ATP8B4: variants seen among roughly 807,000 people sequenced by gnomAD.
ATP8B4 encodes probable phospholipid-transporting ATPase IM.
Under a neutral mutation model 145.6 loss-of-function variants are expected in ATP8B4, and 133 were observed. That is an observed-to-expected ratio of 0.91 (90% CI 0.79 to 1.05). The LOEUF (loss-of-function observed/expected upper bound fraction) is 1.05. ATP8B4 is among the 50% of genes least tolerant of loss of function. The pLI is 0.00. For synonymous variants in ATP8B4, 507 were observed against 492.9 expected, an observed-to-expected ratio of 1.03 and a Z score of -0.38; for missense variants, 1,458 against 1,425.2, an observed-to-expected ratio of 1.02 and a Z score of -0.37.
At chr15:50,068,588 T>C (rs2053535373) in intron 3 of ATP8B4, among the ~76,000 whole-genome samples, 2 of 152,128 alleles carry the variant, frequency 1.3e-5, no homozygotes, top group Non-Finnish European at 1.5e-5. Flanking sequence ...AGGAAAAAAA[T>C]CCTTTAAAAA....
intron 1 of ATP8B4, among the ~76,000 whole-genome samples, chr15:50,136,289 G>A (rs770683795): frequency 5.9e-5 from 9 of 152,172 alleles, no homozygotes; most frequent in Admixed American, 1.3e-4. Context: ...ACAGCCTTCT[G>A]TGAAGTTGCT....
chr15:49,901,141 T>G lies in ATP8B4; in HGVS notation c.2240A>C (p.Glu747Ala), dbSNP rs1599010451. The change falls in exon 21 of 28, where the codon GAA becomes GCA. Residue 747 changes from glutamate (E) to alanine (A), a missense_variant. By Grantham distance (107) the Glu-to-Ala change is moderately radical. Coordinates refer to ENST00000284509, the MANE Select transcript of ATP8B4 (RefSeq NM_024837.4). ...KQQLELDSIV[E>A]ETITGDYALI... Reference sequence around the variant, plus strand: ...GGCATAATCTCCTGTTATGGTTTCTTCTACAATAGAATCCAACTCCAGCTG... The same window carrying G: ...GGCATAATCTCCTGTTATGGTTTCTGCTACAATAGAATCCAACTCCAGCTG... 2 of 1,613,662 alleles carry G rather than the reference T, an allele frequency of 1.2e-6. No individual in the cohort carries two copies. Among genetic ancestry groups the G allele is most frequent in the East Asian group, 4.5e-5 (2 of 44,818 alleles).
At chr15:49,884,622 A>C (rs541336036) in intron 23 of ATP8B4, among the ~76,000 whole-genome samples, 1,833 of 151,466 alleles carry the variant, frequency 0.012, 45 homozygotes, top group African/African-American at 0.042. Flanking sequence ...AGAAAAAAAA[A>C]AAAAAAAAAG....
At chr15:49,884,000 TAAC>T (rs772166592) in intron 23 of ATP8B4, among the ~76,000 whole-genome samples, 1 of 152,230 alleles carries the variant, frequency 6.6e-6, no homozygotes, top group Non-Finnish European at 1.5e-5. Context: ...TCTATTATGT[TAAC>T]TAGTTTTACA....
intron 1 of ATP8B4, among the ~76,000 whole-genome samples, chr15:50,161,748 G>T (rs1250724126): frequency 1.3e-5 from 2 of 151,848 alleles, no homozygotes; most frequent in African/African-American, 4.8e-5. Flanking sequence ...TACTATCTTT[G>T]ATAGGTTCAT....
At chr15:50,051,241 T>C (rs2052164374) in intron 3 of ATP8B4, among the ~76,000 whole-genome samples, 1 of 152,218 alleles carries the variant, frequency 6.6e-6, no homozygotes, top group Non-Finnish European at 1.5e-5. Flanking sequence ...TGCCTCCATG[T>C]GAAGAAGGAC....
intron 20 of ATP8B4, among the ~76,000 whole-genome samples, chr15:49,907,118 C>A (rs570852348): frequency 1.3e-5 from 2 of 152,260 alleles, no homozygotes; most frequent in Admixed American, 6.5e-5. Context: ...AGAGCAGAGA[C>A]CAGACAGGAA....
intron 16 of ATP8B4, among the ~76,000 whole-genome samples, chr15:49,928,806 G>A (rs1051704150): frequency 6.6e-6 from 1 of 152,042 alleles, no homozygotes; most frequent in Non-Finnish European, 1.5e-5. Context: ...TACAAACAGG[G>A]TGACAATAGA....
chr15:49,860,722 C>T (rs1489437520), intron 27 of ATP8B4, among the ~76,000 whole-genome samples: 1 of 152,126 alleles, frequency 6.6e-6, no homozygotes, highest in Non-Finnish European at 1.5e-5. Flanking sequence ...TCATTATTGT[C>T]TCTCATGTAT....
At chr15:49,927,663 C>A (rs868761066) in intron 16 of ATP8B4, among the ~76,000 whole-genome samples, 8 of 152,134 alleles carry the variant, frequency 5.3e-5, no homozygotes, top group Middle Eastern at 3.4e-3. Context: ...GAGGAAAAGC[C>A]AAACATCTCC....
intron 23 of ATP8B4, among the ~76,000 whole-genome samples, chr15:49,882,432 T>G (rs74608739): frequency 6.6e-6 from 1 of 152,178 alleles, no homozygotes. Context: ...GGGATACATA[T>G]AAAAATACTC....
intron 21 of ATP8B4, among the ~76,000 whole-genome samples, chr15:49,900,195 C>T (rs1343045498): frequency 6.6e-6 from 1 of 152,184 alleles, no homozygotes; most frequent in African/African-American, 2.4e-5. Context: ...CTGTAACTTT[C>T]CATGGTGTAG....
chr15:50,103,770 C>T (rs2056511549), intron 2 of ATP8B4, among the ~76,000 whole-genome samples: 1 of 152,084 alleles, frequency 6.6e-6, no homozygotes, highest in Non-Finnish European at 1.5e-5. Context: ...GCCCACATAG[C>T]CAAAGCAAGA....
intron 16 of ATP8B4, among the ~76,000 whole-genome samples, chr15:49,924,319 T>C (rs1393040400): frequency 6.6e-6 from 1 of 152,156 alleles, no homozygotes; most frequent in East Asian, 1.9e-4. Flanking sequence ...TAATTATTTG[T>C]TGAATGAATG....
intron 23 of ATP8B4, among the ~76,000 whole-genome samples, chr15:49,891,735 C>G (rs2036826268): frequency 6.6e-6 from 1 of 152,250 alleles, no homozygotes; most frequent in Non-Finnish European, 1.5e-5. Flanking sequence ...GTTTTCTCTT[C>G]CCAAGATAGC....
intron 17 of ATP8B4, among the ~76,000 whole-genome samples, chr15:49,922,886 C>A (rs1409443837): frequency 6.6e-6 from 1 of 152,152 alleles, no homozygotes; most frequent in Non-Finnish European, 1.5e-5. Flanking sequence ...TGATTTATGA[C>A]CTGAATAAAA....
chr15:50,128,785 C>T (rs1031443804), intron 1 of ATP8B4, among the ~76,000 whole-genome samples: 2 of 152,148 alleles, frequency 1.3e-5, no homozygotes, highest in African/African-American at 2.4e-5. Context: ...GTAGGCTGGG[C>T]GCAGTGGCTC....
intron 2 of ATP8B4, among the ~76,000 whole-genome samples, chr15:50,100,534 G>A (rs2056287975): frequency 6.6e-6 from 1 of 152,188 alleles, no homozygotes; most frequent in South Asian, 2.1e-4. Context: ...ACTCAAAAAT[G>A]TTTGTGGAGT....
chr15:50,134,493 A>G (rs1475858256), intron 1 of ATP8B4, among the ~76,000 whole-genome samples: 1 of 152,208 alleles, frequency 6.6e-6, no homozygotes, highest in Non-Finnish European at 1.5e-5. Flanking sequence ...CAGCAGGAAC[A>G]AAGACAGAGA....
Sources: allele counts gnomAD v4.1 joint callset (sites outside exome capture counted in the v4.1 genomes callset), GRCh38; gene constraint gnomAD v4.1.1; transcripts MANE v1.5; gene names NCBI Gene and HGNC (gene_info 2026-07-23, HGNC 2026-07-21).